LHFPL3: variants seen among roughly 807,000 people sequenced by gnomAD.
LHFPL3 encodes the protein LHFPL tetraspan subfamily member 3 protein.
In LHFPL3, 5 loss-of-function variants were observed where a neutral mutation model predicts 19.3. The ratio of observed to expected loss-of-function variants is 0.26; its 90% CI spans 0.14 to 0.54. LHFPL3 has a LOEUF of 0.54. Ranked by LOEUF, LHFPL3 falls within the 20% of genes least tolerant of loss-of-function variation. The probability of loss-of-function intolerance (pLI) is 0.94; values close to 1 mark genes in which losing one functional copy is unlikely to be tolerated. For synonymous variants in LHFPL3, 133 were observed against 126.2 expected (o/e 1.05, Z -0.36); for missense variants, 249 against 307.4 (o/e 0.81, Z 1.42).
At chr7:104,838,921 T>C (rs1302707785) in intron 2 of LHFPL3, among the ~76,000 whole-genome samples, 3 of 152,226 alleles carry the variant, frequency 2.0e-5, no homozygotes, top group Non-Finnish European at 2.9e-5. Flanking sequence ...CTTTTAATAA[T>C]GTCTAAAGCA....
At chr7:104,345,908 G>A (rs780927667) in intron 1 of LHFPL3, among the ~76,000 whole-genome samples, 27 of 152,118 alleles carry the variant, frequency 1.8e-4, no homozygotes, top group South Asian at 4.2e-4. Flanking sequence ...TGCCCCCATG[G>A]TTAATGTCAG....
chr7:104,458,249 G>T (rs902776152), intron 1 of LHFPL3, among the ~76,000 whole-genome samples: 2 of 152,060 alleles, frequency 1.3e-5, no homozygotes, highest in Non-Finnish European at 2.9e-5. Context: ...ATGGTTTTAG[G>T]TCTAACGTTT....
chr7:104,863,229 G>C (rs1219015430), intron 2 of LHFPL3, among the ~76,000 whole-genome samples: 1 of 152,080 alleles, frequency 6.6e-6, no homozygotes, highest in African/African-American at 2.4e-5. Flanking sequence ...ATCTTATAAA[G>C]TGAATGATGC....
At chr7:104,339,767 C>G (rs1464560731) in intron 1 of LHFPL3, among the ~76,000 whole-genome samples, 3 of 152,198 alleles carry the variant, frequency 2.0e-5, no homozygotes, top group African/African-American at 7.2e-5. Context: ...TTTCATTTCT[C>G]TAACCTAGAG....
At chr7:104,870,251 A>G (rs1474960507) in intron 2 of LHFPL3, among the ~76,000 whole-genome samples, 1 of 152,224 alleles carries the variant, frequency 6.6e-6, no homozygotes, top group Non-Finnish European at 1.5e-5. Context: ...TAATAAAAAA[A>G]GAAAACTTCT....
intron 2 of LHFPL3, among the ~76,000 whole-genome samples, chr7:104,854,602 AAC>A (rs1193421875): frequency 6.6e-6 from 1 of 152,218 alleles, no homozygotes; most frequent in African/African-American, 2.4e-5. Context: ...TCTTATACTC[AAC>A]ACAGATTGTC....
chr7:104,848,438 C>A (rs926098495), intron 2 of LHFPL3, among the ~76,000 whole-genome samples: 8 of 152,160 alleles, frequency 5.3e-5, no homozygotes, highest in Admixed American at 5.2e-4. Context: ...GATGGGCAGG[C>A]AGGCAAGAGT....
intron 1 of LHFPL3, among the ~76,000 whole-genome samples, chr7:104,410,422 T>C (rs1791514763): frequency 6.6e-6 from 1 of 152,226 alleles, no homozygotes; most frequent in Non-Finnish European, 1.5e-5. Context: ...CATGAGCCGC[T>C]GCACCCGGCC....
chr7:104,430,094 GAA>G (rs1351008696), intron 1 of LHFPL3, among the ~76,000 whole-genome samples: 1 of 151,358 alleles, frequency 6.6e-6, no homozygotes, highest in Non-Finnish European at 1.5e-5. Context: ...AAAGATAATA[GAA>G]ACAACATAGG....
At chr7:104,384,302 A>G (rs1790890801) in intron 1 of LHFPL3, among the ~76,000 whole-genome samples, 1 of 152,188 alleles carries the variant, frequency 6.6e-6, no homozygotes, top group Non-Finnish European at 1.5e-5. Flanking sequence ...GAGAATAATT[A>G]GTATCTTTTT....
chr7:104,653,981 C>A (rs548013926), intron 1 of LHFPL3, among the ~76,000 whole-genome samples: 25 of 152,264 alleles, frequency 1.6e-4, no homozygotes, highest in African/African-American at 5.8e-4. Context: ...TAATTGGGAG[C>A]AACTTCCTGC....
At chr7:104,753,467 G>T (rs1438305291) in intron 2 of LHFPL3, among the ~76,000 whole-genome samples, 1 of 152,182 alleles carries the variant, frequency 6.6e-6, no homozygotes, top group African/African-American at 2.4e-5. Context: ...GAAAATATTT[G>T]AGAATTTTTT....
chr7:104,709,943 T>G (rs1793269108), intron 1 of LHFPL3, among the ~76,000 whole-genome samples: 1 of 152,150 alleles, frequency 6.6e-6, no homozygotes, highest in East Asian at 1.9e-4. Context: ...GAGGCTGCAA[T>G]CTGGGCACTT....
chr7:104,367,542 G>T (rs1423725930), intron 1 of LHFPL3, among the ~76,000 whole-genome samples: 1 of 152,218 alleles, frequency 6.6e-6, no homozygotes, highest in African/African-American at 2.4e-5. Context: ...TTGGGGTATA[G>T]ATCGTCAGAT....
At chr7:104,656,406 T>C (rs909118970) in intron 1 of LHFPL3, among the ~76,000 whole-genome samples, 1 of 152,118 alleles carries the variant, frequency 6.6e-6, no homozygotes, top group Non-Finnish European at 1.5e-5. Flanking sequence ...AAAAATGTCT[T>C]TGGGGCTAGG....
chr7:104,391,065 T>A (rs1791056372), intron 1 of LHFPL3, among the ~76,000 whole-genome samples: 1 of 152,212 alleles, frequency 6.6e-6, no homozygotes, highest in South Asian at 2.1e-4. Context: ...TTTGAGTTCT[T>A]TGTAGATTCT....
intron 2 of LHFPL3, among the ~76,000 whole-genome samples, chr7:104,856,607 A>C (rs1791511001): frequency 6.6e-6 from 1 of 152,222 alleles, no homozygotes; most frequent in African/African-American, 2.4e-5. Flanking sequence ...GAGAACCACC[A>C]ACCTCTAGAC....
intron 1 of LHFPL3, among the ~76,000 whole-genome samples, chr7:104,690,547 C>T (rs1042187288): frequency 1.3e-5 from 2 of 152,198 alleles, no homozygotes; most frequent in African/African-American, 4.8e-5. Flanking sequence ...TCTGGACTTA[C>T]TGATGACATA....
At chr7:104,385,322 T>C (rs1359922564) in intron 1 of LHFPL3, among the ~76,000 whole-genome samples, 3 of 152,244 alleles carry the variant, frequency 2.0e-5, no homozygotes, top group Non-Finnish European at 1.5e-5. Flanking sequence ...TGCACTAGTC[T>C]TGGCAATACA....
Sources: allele counts gnomAD v4.1 joint callset (sites outside exome capture counted in the v4.1 genomes callset), GRCh38; gene constraint gnomAD v4.1.1; transcripts MANE v1.5; gene names NCBI Gene and HGNC (gene_info 2026-07-23, HGNC 2026-07-21).